Variants in NOX4 observed in about 807,000 individuals in gnomAD.
NOX4 encodes NADPH oxidase 4, also known as kidney oxidase-1.
NOX4 carries 69 observed loss-of-function variants against 87.6 expected under a neutral mutation model. The observed-to-expected ratio is 0.79, with a 90% confidence interval of 0.65 to 0.96. The LOEUF (loss-of-function observed/expected upper bound fraction) is 0.96, where lower values mean the gene tolerates loss of function less well. Among genes scored for constraint, NOX4 ranks in the 40% least tolerant of loss-of-function variants. NOX4 has a pLI of 0.00. For synonymous variants in NOX4, 275 were observed against 238.2 expected, an observed-to-expected ratio of 1.15 and a Z score of -1.42; for missense variants, 680 against 681.5, an observed-to-expected ratio of 1.00 and a Z score of 0.02.
intron 8 of NOX4, among the ~76,000 whole-genome samples, chr11:89,409,207 A>C (rs1470312581): frequency 6.6e-6 from 1 of 152,172 alleles, no homozygotes; most frequent in African/African-American, 2.4e-5. Flanking sequence ...AAAGTACTAT[A>C]CTGAAAATGT....
intron 8 of NOX4, among the ~76,000 whole-genome samples, chr11:89,406,000 G>A (rs780740571): frequency 1.9e-4 from 29 of 152,012 alleles, no homozygotes; most frequent in Non-Finnish European, 3.2e-4. Context: ...GCTTTATATG[G>A]CTATAGACTT....
At chr11:89,438,845 ATTATATAATATATTATATAT>A (rs1944284494) in intron 6 of NOX4, among the ~76,000 whole-genome samples, 2 of 33,258 alleles carry the variant, frequency 6.0e-5, no homozygotes, top group Non-Finnish European at 8.5e-5. Context: ...TATTATATAT[ATTATATAATATATTATATAT>A]TATATATATA....
chr11:89,447,503 T>C (rs1402221141), intron 4 of NOX4, among the ~76,000 whole-genome samples: 9 of 152,182 alleles, frequency 5.9e-5, no homozygotes, highest in Non-Finnish European at 1.5e-5. Context: ...ATAGATTTTC[T>C]CATTTGATTC....
At chr11:89,540,647 G>C in the NOX4 span, among the ~76,000 whole-genome samples, 1 of 151,394 alleles carries the variant, frequency 6.6e-6, no homozygotes, top group East Asian at 2.0e-4. Flanking sequence ...AATTAGCCGG[G>C]CATGGTGGCG....
chr11:89,491,727 TACACACACACACACACACAC>T (rs66820323), upstream of NOX4, among the ~76,000 whole-genome samples: 9 of 140,746 alleles, frequency 6.4e-5, no homozygotes, highest in African/African-American at 2.4e-4. Flanking sequence ...CGCCCCCTTG[TACACACACACACACACACAC>T]ACACACACAC....
chr11:89,506,094 T>G, the NOX4 span, among the ~76,000 whole-genome samples: 112,867 of 151,520 alleles, frequency 0.74, 42,273 homozygotes, highest in Admixed American at 0.8. Context: ...AAAGACTGCA[T>G]AAATAGATCC....
intron 8 of NOX4, among the ~76,000 whole-genome samples, chr11:89,419,695 C>T (rs1023740861): frequency 1.3e-5 from 2 of 151,664 alleles, no homozygotes; most frequent in African/African-American, 2.4e-5. Flanking sequence ...AAATTAAAGT[C>T]ACTTTCTATG....
chr11:89,506,131 CA>C, the NOX4 span, among the ~76,000 whole-genome samples: 4 of 151,358 alleles, frequency 2.6e-5, no homozygotes, highest in Admixed American at 2.6e-4. Context: ...TGATTTGTGA[CA>C]ATGTTTAATG....
At chr11:89,418,018 G>A (rs1262019895) in intron 8 of NOX4, among the ~76,000 whole-genome samples, 1 of 151,976 alleles carries the variant, frequency 6.6e-6, no homozygotes, top group Non-Finnish European at 1.5e-5. Flanking sequence ...TAGTGTACAT[G>A]AAATGTCATC....
intron 2 of NOX4, among the ~76,000 whole-genome samples, chr11:89,456,126 C>T (rs1463782056): frequency 1.3e-5 from 2 of 151,894 alleles, no homozygotes; most frequent in Non-Finnish European, 2.9e-5. Flanking sequence ...GATAGATATC[C>T]CAGCTACTCT....
At chr11:89,368,455 C>T (rs1369504776) in intron 12 of NOX4, among the ~76,000 whole-genome samples, 1 of 152,064 alleles carries the variant, frequency 6.6e-6, no homozygotes, top group East Asian at 1.9e-4. Flanking sequence ...AGCTTTGATG[C>T]CTGGTAAAGT....
chr11:89,561,087 C>T, the NOX4 span, among the ~76,000 whole-genome samples: 7 of 31,924 alleles, frequency 2.2e-4, no homozygotes, highest in East Asian at 1.0e-3. Flanking sequence ...ATATATATAT[C>T]CTATCAGTTC....
At chr11:89,440,850 A>G (rs374394532) in intron 5 of NOX4, 135 bp from the exon 6 acceptor site, 1 of 483,638 alleles carries the variant, frequency 2.1e-6, no homozygotes, top group African/African-American at 2.0e-5. Context: ...AGTGAGAAAG[A>G]CTCGATTAAG....
the NOX4 span, among the ~76,000 whole-genome samples, chr11:89,568,407 C>G: frequency 2.0e-5 from 3 of 152,048 alleles, no homozygotes; most frequent in African/African-American, 7.2e-5. Context: ...AGCTGAGAGG[C>G]AAATTAAAAC....
chr11:89,339,143 T>C (rs1370369894), intron 15 of NOX4, among the ~76,000 whole-genome samples: 1 of 152,258 alleles, frequency 6.6e-6, no homozygotes, highest in Non-Finnish European at 1.5e-5. Flanking sequence ...TATATAATGA[T>C]ATCCATTTCA....
At chr11:89,580,418 G>C in the NOX4 span, among the ~76,000 whole-genome samples, 3 of 152,142 alleles carry the variant, frequency 2.0e-5, no homozygotes, top group East Asian at 3.8e-4. Flanking sequence ...GTGCATGCAA[G>C]TGATCCTCCT....
chr11:89,435,825 G>A (rs1181211615), intron 6 of NOX4, among the ~76,000 whole-genome samples: 1 of 152,030 alleles, frequency 6.6e-6, no homozygotes, highest in Non-Finnish European at 1.5e-5. Flanking sequence ...TAAATCTGAA[G>A]ATTTTCCATG....
At chr11:89,377,357 T>C (rs745656361) in intron 11 of NOX4, among the ~76,000 whole-genome samples, 2 of 152,172 alleles carry the variant, frequency 1.3e-5, no homozygotes, top group Non-Finnish European at 2.9e-5. Flanking sequence ...ATGTCGACCT[T>C]AATATAAATT....
chr11:89,512,046 C>G, the NOX4 span, among the ~76,000 whole-genome samples: 4 of 151,940 alleles, frequency 2.6e-5, no homozygotes, highest in African/African-American at 9.7e-5. Context: ...GAATTTTTTA[C>G]CTGATATGTT....
Sources: allele counts gnomAD v4.1 joint callset (sites outside exome capture counted in the v4.1 genomes callset), GRCh38; gene constraint gnomAD v4.1.1; transcripts MANE v1.5; gene names NCBI Gene and HGNC (gene_info 2026-07-23, HGNC 2026-07-21).